DHODH: variants seen among roughly 807,000 people sequenced by gnomAD.
DHODH encodes the protein dihydroorotate dehydrogenase (quinone), mitochondrial.
Under a neutral mutation model 39.7 loss-of-function variants are expected in DHODH, and 30 were observed. That is an observed-to-expected ratio of 0.76 (90% confidence interval 0.57 to 1.02). DHODH has a LOEUF of 1.02. Ranked by LOEUF, DHODH falls within the 50% of genes least tolerant of loss-of-function variation. The pLI is 0.00. For synonymous variants in DHODH, 222 were observed against 213.8 expected (o/e 1.04, Z -0.34); for missense variants, 531 against 520.8 (o/e 1.02, Z -0.19).
At position 72,020,361 on chromosome 16, in the gene DHODH, A is replaced by ATATGTG. The variant is rs1567572895; in HGVS notation, c.518-760_518-759insGTGTAT. ...TATATATATATATATATATGTGTAT[A>ATATGTG]TATATATATATTTTTTTTTTTTTTC... is the stretch of plus-strand genomic sequence containing the variant. On this transcript the variant is annotated intron_variant, in intron 4 of 8. Transcript: ENST00000219240. The ATATGTG allele has an allele frequency of 1.5e-3, 104 of 69,414 alleles. 3 individuals carry two copies. Among genetic ancestry groups the ATATGTG allele is most frequent in the African/African-American group, 5.6e-3 (94 of 16,696 alleles). The allele number at this position is 69,414 out of a possible 1,614,324, so 4.3% of individuals were successfully genotyped here. A position where few individuals can be genotyped will look rare whatever the true frequency, so the allele number is the denominator to read the frequency against.
At position 72,019,603 on chromosome 16, in the gene DHODH, T is replaced by C. The variant is rs539758493; in HGVS notation, c.518-1521T>C. Among the ~76,000 whole-genome samples the C allele has an allele frequency of 8.3e-4, 126 of 152,298 alleles. 1 individual carries two copies. Among genetic ancestry groups the C allele is most frequent in the African/African-American group, 2.5e-3 (104 of 41,568 alleles). On this transcript the variant is annotated intron_variant, in intron 4 of 8. Transcript: ENST00000219240. ...TCTGGAGGTCCAAAATGCAAGTCCA[T>C]TGATAGTCCTGTGGATTTTTAAGTA...
Position 72,016,844 on chromosome 16 carries a change from C to T in DHODH, c.435-180C>T, listed in dbSNP as rs940840889. 16 of 641,360 alleles carry T rather than the reference C, an allele frequency of 2.5e-5. No homozygotes were observed. The African/African-American group carries it at 2.7e-4, about 11-fold the overall frequency. 39.7% of individuals were successfully genotyped at this position (641,360 alleles called of 1,614,324 possible). ...TGAGCATTTGCAAATTTTAATCTTT[C>T]CCTGGGTATTGGATGGTGTTCTGGC... On this transcript the variant is annotated intron_variant, in intron 3 of 8. Coordinates refer to ENST00000219240, the MANE Select transcript of DHODH (RefSeq NM_001361.5).
chr16:72,023,597 T>C lies in DHODH; in HGVS notation c.1097T>C (p.Val366Ala). ...CTCACCTTCTGGGGGCCACCCGTTG[T>C]GGGCAAAGTCAAGCGGGAACTGGAG... is the stretch of plus-strand genomic sequence containing the variant. Reference protein sequence around the residue: ...TALTFWGPPVVGKVKRELEAL... With the variant: ...TALTFWGPPVAGKVKRELEAL... The change falls in exon 8 of 9, where the codon GTG (valine) becomes GCG (alanine). Residue 366 changes from valine to alanine, a missense_variant. By Grantham distance (64) the Val-to-Ala change is moderately conservative. Coordinates refer to ENST00000219240, the MANE Select transcript of DHODH (RefSeq NM_001361.5). 1 of 1,614,120 alleles carries C rather than the reference T, an allele frequency of 6.2e-7. No individual in the cohort carries two copies. The highest frequency in any genetic ancestry group is 2.2e-5 in the East Asian group (1 of 44,882).
At chr16:72,011,590 G>A (rs907324264) in intron 1 of DHODH, among the ~76,000 whole-genome samples, 2 of 152,168 alleles carry the variant, frequency 1.3e-5, no homozygotes, top group African/African-American at 4.8e-5. Flanking sequence ...GTGTTTATGT[G>A]GTAAAATATA....
chr16:72,018,476 G>T (rs2041168635), intron 4 of DHODH, among the ~76,000 whole-genome samples: 1 of 152,210 alleles, frequency 6.6e-6, no homozygotes, highest in African/African-American at 2.4e-5. Context: ...GAGCTTTGGA[G>T]GTCATCACAG....
intron 1 of DHODH, 79 bp downstream of exon 1, chr16:72,008,864 G>A (rs2041049520): frequency 2.6e-6 from 4 of 1,550,796 alleles, no homozygotes; most frequent in South Asian, 1.2e-5. Context: ...GCCGGGCGAG[G>A]CATGGACCGA....
At chr16:72,023,009 T>A (rs2041237880) in intron 6 of DHODH, among the ~76,000 whole-genome samples, 156 bp from the exon 7 acceptor site, 1 of 152,200 alleles carries the variant, frequency 6.6e-6, no homozygotes, top group South Asian at 2.1e-4. Flanking sequence ...CTAAAACTTG[T>A]TGAGGAAAAG....
At position 72,023,576 on chromosome 16, in the gene DHODH, C is replaced by T. The variant is rs1361624782; in HGVS notation, c.1076C>T (p.Thr359Ile). ...ASLVQLYTAL[T>I]FWGPPVVGKV... The stretch of plus-strand genomic sequence containing the variant: ...CTGGTGCAGCTGTACACGGCCCTCA[C>T]CTTCTGGGGGCCACCCGTTGTGGGC... Residue 359 changes from threonine to isoleucine, a missense_variant, in exon 8 of 9, where the codon ACC (threonine) becomes ATC (isoleucine). Physicochemically the swap from Thr to Ile is moderately conservative, Grantham distance 89 (BLOSUM62 -1). Transcript: ENST00000219240. 6.2e-7 allele frequency: 1 copy of T among 1,614,094 alleles called. No homozygotes were observed. The highest frequency in any genetic ancestry group is 1.3e-5 in the African/African-American group (1 of 75,028).
At chr16:72,011,308 T>C (rs1352196627) in intron 1 of DHODH, among the ~76,000 whole-genome samples, 1 of 152,230 alleles carries the variant, frequency 6.6e-6, no homozygotes, top group Non-Finnish European at 1.5e-5. Flanking sequence ...ACTGTACAGT[T>C]GTCCCTCAAT....
At chr16:72,010,294 G>T (rs1278845622) in intron 1 of DHODH, among the ~76,000 whole-genome samples, 1 of 151,996 alleles carries the variant, frequency 6.6e-6, no homozygotes, top group Non-Finnish European at 1.5e-5. Context: ...ACTGCCTTCT[G>T]GTTAACTATT....
intron 1 of DHODH, 43 bp downstream of exon 1, chr16:72,008,828 C>A (rs1233325027): frequency 1.3e-6 from 2 of 1,552,228 alleles, no homozygotes; most frequent in East Asian, 2.4e-5. Context: ...GACCAGGGAC[C>A]GGGGAGGGCG....
Position 72,026,296 on chromosome 16 carries a change from T to G in DHODH, c.*2097T>G, listed in dbSNP as rs1279679685. On this transcript the variant is annotated 3_prime_UTR_variant, in exon 9 of 9. Coordinates refer to ENST00000219240, the MANE Select transcript of DHODH (RefSeq NM_001361.5). Reference sequence around the variant, plus strand: ...CCTTGCTCTGTCCCACCTAATAGCTTCAGGACTGAACAATTCAGGAAAGGG... The same window carrying G: ...CCTTGCTCTGTCCCACCTAATAGCTGCAGGACTGAACAATTCAGGAAAGGG... The G allele has an allele frequency of 6.6e-6, 1 of 152,402 alleles. No individual in the cohort carries two copies. The highest frequency in any genetic ancestry group is 2.1e-4 in the South Asian group (1 of 4,826). 9.4% of individuals were successfully genotyped at this position (152,402 alleles called of 1,614,324 possible). A position where few individuals can be genotyped will look rare whatever the true frequency, so the allele number is the denominator to read the frequency against.
In DHODH at chr16:72,012,079, G is replaced by A. The variant is rs772234792; in HGVS notation, c.51G>A (p.Leu17=). 1 of 1,614,116 alleles carries A rather than the reference G, an allele frequency of 6.2e-7. No individual in the cohort carries two copies. Among genetic ancestry groups the A allele is most frequent in the Admixed American group, 1.7e-5 (1 of 60,022 alleles). Residue 17 remains leucine, a synonymous_variant, in exon 2 of 9, where the codon CTG becomes CTA. Coordinates refer to ENST00000219240, the MANE Select transcript of DHODH (RefSeq NM_001361.5). The part of the protein sequence containing the change: ...KKRAQDAVII[L]GGGGLLFASY... ...GGGCCCAGGATGCTGTGATCATCCT[G>A]GGGGGAGGAGGACTTCTCTTCGCCT...
At chr16:72,021,008 C>T in intron 4 of DHODH, 116 bp from the exon 5 acceptor site, 1 of 1,092,516 alleles carries the variant, frequency 9.2e-7, no homozygotes, top group South Asian at 1.6e-5. Context: ...TCGGGCAGGT[C>T]AGGTTTGGAG....
intron 4 of DHODH, among the ~76,000 whole-genome samples, chr16:72,020,800 A>G (rs2041204678): frequency 6.6e-6 from 1 of 152,102 alleles, no homozygotes; most frequent in African/African-American, 2.4e-5. Flanking sequence ...TCTCAGTTTT[A>G]TTCAATTTAT....
In DHODH at chr16:72,027,594, T is replaced by C. The variant is rs2041286750; in HGVS notation, c.*3395T>C. On this transcript the variant is annotated 3_prime_UTR_variant, in exon 9 of 9. Coordinates refer to ENST00000219240, the MANE Select transcript of DHODH (RefSeq NM_001361.5). Reference sequence around the variant, plus strand: ...AAATGTTATTTACATCACTCACTCTTGTGTGGAGTGCATAATTGTCTTTGC... The same window carrying C: ...AAATGTTATTTACATCACTCACTCTCGTGTGGAGTGCATAATTGTCTTTGC... The C allele has an allele frequency of 6.6e-6, 1 of 152,188 alleles. No individual in the cohort carries two copies. Among genetic ancestry groups the C allele is most frequent in the African/African-American group, 2.4e-5 (1 of 41,422 alleles). 9.4% of individuals were successfully genotyped at this position (152,188 alleles called of 1,614,324 possible).
chr16:72,012,463 C>T (rs958126880), intron 2 of DHODH, among the ~76,000 whole-genome samples: 3 of 152,152 alleles, frequency 2.0e-5, no homozygotes, highest in African/African-American at 2.4e-5. Flanking sequence ...TTGTGTTAGG[C>T]GGTGTTCTTG....
intron 3 of DHODH, 73 bp downstream of exon 3, chr16:72,014,745 CCT>C (rs2041122371): frequency 6.9e-7 from 1 of 1,458,470 alleles, no homozygotes; most frequent in Non-Finnish European, 9.5e-7. Flanking sequence ...ATAAGATCTG[CCT>C]CTGTTTTTTT....
At position 72,022,421 on chromosome 16, in the gene DHODH, C is replaced by T. The variant is rs61757214; in HGVS notation, c.765C>T (p.Ile255=). The T allele has an allele frequency of 1.4e-3, 2,190 of 1,558,010 alleles. 3 individuals carry two copies. Among genetic ancestry groups the T allele is most frequent in the Admixed American group, 2.1e-3 (107 of 51,918 alleles). ...RVHRPAVLVK[I]APDLTSQDKE... ...ACAGGCCGGCAGTCCTGGTGAAGAT[C>T]GCTCCTGACCTCACCAGCCAGGATA... is the stretch of plus-strand genomic sequence containing the variant. Residue 255 remains isoleucine (I), a synonymous_variant, in exon 6 of 9, where the codon ATC becomes ATT. Transcript: ENST00000219240.
Sources: allele counts gnomAD v4.1 joint callset (sites outside exome capture counted in the v4.1 genomes callset), GRCh38; gene constraint gnomAD v4.1.1; transcripts MANE v1.5; gene names NCBI Gene and HGNC (gene_info 2026-07-23, HGNC 2026-07-21).